ELAVL2: variants seen among roughly 807,000 people sequenced by gnomAD.
ELAVL2 encodes the protein ELAV like RNA binding protein 2.
ELAVL2 carries 4 observed loss-of-function variants against 34.6 expected under a neutral mutation model. The observed-to-expected ratio is 0.12, with a 90% confidence interval of 0.06 to 0.26. The LOEUF (loss-of-function observed/expected upper bound fraction) is 0.26, where lower values mean the gene tolerates loss of function less well. Among genes scored for constraint, ELAVL2 ranks in the 10% least tolerant of loss-of-function variants. The pLI is 1.00. For missense variants in ELAVL2, 432 were observed against 442.8 expected (o/e 0.98, Z 0.22); for synonymous variants, 193 against 154.8 (o/e 1.25, Z -1.83).
intron 3 of ELAVL2, among the ~76,000 whole-genome samples, chr9:23,717,665 T>C (rs1352026780): frequency 1.3e-5 from 2 of 152,210 alleles, no homozygotes; most frequent in South Asian, 2.1e-4. Flanking sequence ...CAGAGGCCTC[T>C]AGACAGCAAG....
intron 1 of ELAVL2, among the ~76,000 whole-genome samples, chr9:23,769,260 T>TG (rs2056885176): frequency 6.6e-6 from 1 of 152,114 alleles, no homozygotes; most frequent in African/African-American, 2.4e-5. Flanking sequence ...CACCATCCTT[T>TG]GGGGAACTTG....
chr9:23,714,082 C>A (rs942387966), intron 3 of ELAVL2, among the ~76,000 whole-genome samples: 4 of 152,176 alleles, frequency 2.6e-5, no homozygotes, highest in Non-Finnish European at 5.9e-5. Context: ...ATTTTATATA[C>A]ATACATAGGA....
chr9:23,793,657 T>TG (rs2060581111), intron 1 of ELAVL2, among the ~76,000 whole-genome samples: 1 of 152,300 alleles, frequency 6.6e-6, no homozygotes, highest in East Asian at 1.9e-4. Context: ...TAACCTATAC[T>TG]GGATCCTTAT....
intron 1 of ELAVL2, among the ~76,000 whole-genome samples, chr9:23,820,694 C>A (rs2064470195): frequency 6.6e-6 from 1 of 152,174 alleles, no homozygotes; most frequent in Non-Finnish European, 1.5e-5. Flanking sequence ...GCCAGTGAAC[C>A]GACGCTGGCT....
At chr9:23,716,565 G>A (rs1261999542) in intron 3 of ELAVL2, among the ~76,000 whole-genome samples, 1 of 152,062 alleles carries the variant, frequency 6.6e-6, no homozygotes, top group Admixed American at 6.6e-5. Context: ...CACAGAGCAG[G>A]TCTTCACTGT....
chr9:23,820,101 C>T (rs1320217060), intron 1 of ELAVL2, among the ~76,000 whole-genome samples: 1 of 151,800 alleles, frequency 6.6e-6, no homozygotes, highest in Middle Eastern at 3.4e-3. Context: ...AACTCCAGGT[C>T]AGCTTCCACA....
intron 1 of ELAVL2, among the ~76,000 whole-genome samples, chr9:23,795,623 T>C (rs1327241042): frequency 1.3e-5 from 2 of 152,178 alleles, no homozygotes; most frequent in East Asian, 1.9e-4. Flanking sequence ...GTCATTGATA[T>C]ATAAAATGTC....
intron 2 of ELAVL2, among the ~76,000 whole-genome samples, chr9:23,756,076 G>T (rs927217384): frequency 4.6e-5 from 7 of 152,112 alleles, no homozygotes; most frequent in African/African-American, 1.7e-4. Flanking sequence ...AGCTAAGATT[G>T]TATTTGTTTA....
chr9:23,772,194 T>C (rs2057413459), intron 1 of ELAVL2, among the ~76,000 whole-genome samples: 1 of 152,170 alleles, frequency 6.6e-6, no homozygotes, highest in South Asian at 2.1e-4. Flanking sequence ...CTCAGGGTAG[T>C]ACAAATTGTG....
chr9:23,738,870 C>G (rs1299819901), intron 2 of ELAVL2, among the ~76,000 whole-genome samples: 2 of 152,152 alleles, frequency 1.3e-5, no homozygotes, highest in African/African-American at 2.4e-5. Flanking sequence ...TATCTGTCCC[C>G]TGATTATGCA....
chr9:23,806,332 A>G (rs1325676046), intron 1 of ELAVL2, among the ~76,000 whole-genome samples: 1 of 152,160 alleles, frequency 6.6e-6, no homozygotes, highest in Non-Finnish European at 1.5e-5. Context: ...CATAGGACCT[A>G]TTAGATTCAA....
intron 3 of ELAVL2, among the ~76,000 whole-genome samples, chr9:23,717,233 CTAAA>C (rs2042547964): frequency 6.6e-6 from 1 of 152,180 alleles, no homozygotes; most frequent in Non-Finnish European, 1.5e-5. Flanking sequence ...TGTGTGTACA[CTAAA>C]TACTGCTTAG....
chr9:23,720,496 A>G (rs2043400863), intron 3 of ELAVL2, among the ~76,000 whole-genome samples: 1 of 152,172 alleles, frequency 6.6e-6, no homozygotes, highest in Non-Finnish European at 1.5e-5. Context: ...GATAGGCCCT[A>G]AAGAACCATA....
At chr9:23,817,399 T>A (rs1225891016) in intron 1 of ELAVL2, among the ~76,000 whole-genome samples, 5 of 152,174 alleles carry the variant, frequency 3.3e-5, no homozygotes, top group Non-Finnish European at 5.9e-5. Flanking sequence ...AAAACCTGTA[T>A]CTGTTGTCAC....
chr9:23,789,381 T>C (rs1261247587), intron 1 of ELAVL2, among the ~76,000 whole-genome samples: 2 of 152,214 alleles, frequency 1.3e-5, no homozygotes, highest in Non-Finnish European at 2.9e-5. Flanking sequence ...AAGTGATTTA[T>C]TAAATTTATG....
chr9:23,745,008 T>C (rs1023706333), intron 2 of ELAVL2, among the ~76,000 whole-genome samples: 4 of 152,070 alleles, frequency 2.6e-5, no homozygotes, highest in Non-Finnish European at 5.9e-5. Flanking sequence ...AGCTCAAGAC[T>C]AGCCTAGGCA....
At chr9:23,758,000 A>G (rs1036385123) in intron 2 of ELAVL2, among the ~76,000 whole-genome samples, 1 of 152,108 alleles carries the variant, frequency 6.6e-6, no homozygotes, top group African/African-American at 2.4e-5. Flanking sequence ...GAAAAGGGAA[A>G]AGGAAAGATT....
intron 1 of ELAVL2, among the ~76,000 whole-genome samples, chr9:23,786,796 AAAAAAAAG>A (rs1191920121): frequency 6.6e-6 from 1 of 151,132 alleles, no homozygotes; most frequent in Non-Finnish European, 1.5e-5. Flanking sequence ...AAAAAAAAAA[AAAAAAAAG>A]AGAGAGAGAG....
At chr9:23,799,850 A>G (rs1030536639) in intron 1 of ELAVL2, among the ~76,000 whole-genome samples, 2 of 152,222 alleles carry the variant, frequency 1.3e-5, no homozygotes, top group African/African-American at 4.8e-5. Flanking sequence ...GAAAAATCTT[A>G]AGCCCTTTGT....
Sources: gnomAD v4.1 joint callset for allele counts (sites outside exome capture counted in the v4.1 genomes callset) on GRCh38, gnomAD v4.1.1 for gene constraint, MANE v1.5 for transcripts, NCBI Gene and HGNC (gene_info 2026-07-23, HGNC 2026-07-21) for gene names.